MACROD2: variants seen among roughly 807,000 people sequenced by gnomAD.
MACROD2 encodes mono-ADP ribosylhydrolase 2, also known as ADP-ribose glycohydrolase MACROD2.
MACROD2 carries 36 observed loss-of-function variants against 70.4 expected under a neutral mutation model. The observed-to-expected ratio is 0.51, with a 90% CI of 0.39 to 0.68. The LOEUF is 0.68. MACROD2 is among the 30% of genes least tolerant of loss of function. The pLI is 0.00. For synonymous variants in MACROD2, 172 were observed against 178.8 expected (o/e 0.96, Z 0.30); for missense variants, 496 against 538.4 (o/e 0.92, Z 0.78).
chr20:15,566,964 T>C (rs768273299), intron 8 of MACROD2, among the ~76,000 whole-genome samples: 3 of 152,144 alleles, frequency 2.0e-5, no homozygotes, highest in Non-Finnish European at 4.4e-5. Flanking sequence ...AATAAACAAA[T>C]AAAAATTCAG....
At chr20:14,831,033 A>G (rs891901159) in intron 5 of MACROD2, among the ~76,000 whole-genome samples, 12 of 152,088 alleles carry the variant, frequency 7.9e-5, no homozygotes, top group African/African-American at 2.7e-4. Context: ...TTCCCTCGGG[A>G]TGGTGGTTTG....
intron 4 of MACROD2, among the ~76,000 whole-genome samples, chr20:14,682,321 A>G (rs2070942275): frequency 6.6e-6 from 1 of 151,984 alleles, no homozygotes; most frequent in Non-Finnish European, 1.5e-5. Context: ...ATTAGGACTT[A>G]ATTTTTCCCT....
chr20:15,535,075 A>G (rs1217927975), intron 8 of MACROD2, among the ~76,000 whole-genome samples: 1 of 152,162 alleles, frequency 6.6e-6, no homozygotes, highest in Non-Finnish European at 1.5e-5. Context: ...TCCTGGATTC[A>G]AGTGATCCTT....
intron 8 of MACROD2, among the ~76,000 whole-genome samples, chr20:15,565,868 G>C (rs1057495753): frequency 8.5e-5 from 13 of 152,228 alleles, no homozygotes; most frequent in African/African-American, 2.9e-4. Flanking sequence ...TAGTAGTGCT[G>C]TAAGGGGAAA....
chr20:15,470,789 A>C (rs1340521350), intron 7 of MACROD2, among the ~76,000 whole-genome samples: 1 of 152,080 alleles, frequency 6.6e-6, no homozygotes, highest in Non-Finnish European at 1.5e-5. Context: ...CCTCTATTTC[A>C]GCCGCCATCC....
chr20:15,213,953 C>A (rs2076786521), intron 5 of MACROD2, among the ~76,000 whole-genome samples: 1 of 151,614 alleles, frequency 6.6e-6, no homozygotes. Flanking sequence ...TAAAAGAAAC[C>A]AGATTGGTCT....
At chr20:14,258,335 C>T (rs965674536) in intron 3 of MACROD2, among the ~76,000 whole-genome samples, 5 of 152,080 alleles carry the variant, frequency 3.3e-5, no homozygotes, top group African/African-American at 1.2e-4. Flanking sequence ...GTTTACATTC[C>T]CACCAGTAGT....
At chr20:15,501,471 A>G (rs1466581822) in intron 8 of MACROD2, among the ~76,000 whole-genome samples, 1 of 152,228 alleles carries the variant, frequency 6.6e-6, no homozygotes, top group African/African-American at 2.4e-5. Context: ...AATTCTACTC[A>G]TTGATTCTCT....
intron 4 of MACROD2, among the ~76,000 whole-genome samples, chr20:14,559,505 G>A (rs6110329): frequency 1.3e-4 from 19 of 151,544 alleles, no homozygotes; most frequent in African/African-American, 4.3e-4. Context: ...TTATATACTC[G>A]AATTCCTATT....
At chr20:14,997,735 C>G (rs141157342) in intron 5 of MACROD2, among the ~76,000 whole-genome samples, 241 of 152,144 alleles carry the variant, frequency 1.6e-3, no homozygotes, top group Middle Eastern at 3.4e-3. Flanking sequence ...AACTAAGGAG[C>G]CCTTGGGCCT....
chr20:14,654,105 ATATAT>A lies in MACROD2; in HGVS notation c.302-30733_302-30729del, dbSNP rs199830941. ...CACTTAGTATTGTGTCTGGCACATAATATATTATAATAATTATTAATTTCAGAAAC... is the reference window on the plus strand; with the variant it reads ...CACTTAGTATTGTGTCTGGCACATAATATAATAATTATTAATTTCAGAAAC... On this transcript the variant is annotated intron_variant, in intron 4 of 17. Coordinates refer to ENST00000684519, the MANE Select transcript of MACROD2 (RefSeq NM_001351661.2). Among the ~76,000 whole-genome samples, 832 of 152,274 alleles carry A rather than the reference ATATAT, an allele frequency of 5.5e-3. 3 individuals are homozygous for A. Among genetic ancestry groups the A allele is most frequent in the South Asian group, 0.031 (150 of 4,818 alleles).
chr20:15,517,507 CAG>C (rs764467687), intron 8 of MACROD2, among the ~76,000 whole-genome samples: 76 of 152,288 alleles, frequency 5.0e-4, no homozygotes, highest in Middle Eastern at 3.4e-3. Flanking sequence ...GCACCTATAT[CAG>C]AGCAAGGACT....
intron 8 of MACROD2, among the ~76,000 whole-genome samples, chr20:15,639,989 G>C (rs955193392): frequency 1.3e-5 from 2 of 149,792 alleles, no homozygotes; most frequent in Admixed American, 1.3e-4. Flanking sequence ...GAGGGGGTGA[G>C]AGAGAAGGAG....
chr20:16,038,711 T>G (rs562830740), intron 15 of MACROD2, among the ~76,000 whole-genome samples: 1 of 152,116 alleles, frequency 6.6e-6, no homozygotes, highest in African/African-American at 2.4e-5. Flanking sequence ...ATGTCATCTC[T>G]TTTATTCTCT....
At chr20:14,691,369 GCCT>G (rs990687075) in intron 5 of MACROD2, among the ~76,000 whole-genome samples, 10 of 152,172 alleles carry the variant, frequency 6.6e-5, no homozygotes, top group African/African-American at 2.4e-4. Flanking sequence ...TGCTTCTGTT[GCCT>G]CAAGAGAACA....
At chr20:15,292,767 A>T (rs1305224878) in intron 6 of MACROD2, among the ~76,000 whole-genome samples, 4 of 152,234 alleles carry the variant, frequency 2.6e-5, no homozygotes, top group African/African-American at 9.6e-5. Context: ...GATGTTACTT[A>T]AAACGTTATA....
At chr20:15,649,223 T>C (rs113026651) in intron 8 of MACROD2, among the ~76,000 whole-genome samples, 18 of 21,534 alleles carry the variant, frequency 8.4e-4, no homozygotes, top group South Asian at 4.5e-3. Flanking sequence ...TCTTTCTTTC[T>C]TTCTTTCTTT....
intron 13 of MACROD2, among the ~76,000 whole-genome samples, chr20:15,983,472 G>A (rs1601270010): frequency 6.6e-6 from 1 of 152,228 alleles, no homozygotes. Flanking sequence ...ATAAGCTCTT[G>A]AAAATTCTTA....
chr20:15,324,506 A>G (rs2077906867), intron 6 of MACROD2, among the ~76,000 whole-genome samples: 1 of 152,172 alleles, frequency 6.6e-6, no homozygotes, highest in Non-Finnish European at 1.5e-5. Flanking sequence ...TGATTTGCCA[A>G]AAACATTGTC....
Sources: gnomAD v4.1 joint callset for allele counts (sites outside exome capture counted in the v4.1 genomes callset) on GRCh38, gnomAD v4.1.1 for gene constraint, MANE v1.5 for transcripts, NCBI Gene and HGNC (gene_info 2026-07-23, HGNC 2026-07-21) for gene names.